Variants in INSYN2A observed in about 807,000 individuals in gnomAD.
INSYN2A encodes inhibitory synaptic factor 2A.
In INSYN2A, 17 loss-of-function variants were observed where a neutral mutation model predicts 39.4. The observed-to-expected ratio is 0.43, with a 90% CI of 0.30 to 0.65. The LOEUF is 0.65. Among genes scored for constraint, INSYN2A ranks in the 30% least tolerant of loss-of-function variants. INSYN2A has a pLI of 0.14. For synonymous variants in INSYN2A, 255 were observed against 265.7 expected, an observed-to-expected ratio of 0.96 and a Z score of 0.39; for missense variants, 595 against 631.2, an observed-to-expected ratio of 0.94 and a Z score of 0.61.
chr10:127,171,401 C>T (rs1044492128), intron 4 of INSYN2A, among the ~76,000 whole-genome samples: 4 of 152,172 alleles, frequency 2.6e-5, no homozygotes, highest in Non-Finnish European at 5.9e-5. Context: ...GGGCCATCAG[C>T]GGGATTCAAA....
chr10:127,144,302 C>T (rs2051576688), intron 5 of INSYN2A, among the ~76,000 whole-genome samples: 1 of 152,108 alleles, frequency 6.6e-6, no homozygotes, highest in Non-Finnish European at 1.5e-5. Flanking sequence ...AGTCCACCCT[C>T]CCCCCTGCCT....
At chr10:127,188,602 G>A (rs1447789226) in intron 2 of INSYN2A, among the ~76,000 whole-genome samples, 1 of 152,154 alleles carries the variant, frequency 6.6e-6, no homozygotes, top group East Asian at 1.9e-4. Context: ...GTTTGCTAAC[G>A]TGGTTAATTT....
intron 5 of INSYN2A, chr10:127,146,229 G>A (rs553992365): frequency 8.0e-6 from 2 of 249,998 alleles, no homozygotes; most frequent in Middle Eastern, 5.1e-4. Context: ...GGGACTATCA[G>A]TATAATTAGC....
intron 2 of INSYN2A, among the ~76,000 whole-genome samples, chr10:127,191,701 A>G (rs1347002355): frequency 6.6e-6 from 1 of 152,204 alleles, no homozygotes; most frequent in African/African-American, 2.4e-5. Flanking sequence ...GCTCAATTTC[A>G]TTAAGGTTGG....
At chr10:127,177,610 G>C (rs2055294310) in intron 2 of INSYN2A, among the ~76,000 whole-genome samples, 1 of 152,208 alleles carries the variant, frequency 6.6e-6, no homozygotes, top group Non-Finnish European at 1.5e-5. Flanking sequence ...ATGGGCCCGT[G>C]AGAGCTGCAC....
chr10:127,152,901 G>A (rs1394446321), intron 5 of INSYN2A, among the ~76,000 whole-genome samples: 1 of 152,170 alleles, frequency 6.6e-6, no homozygotes, highest in Non-Finnish European at 1.5e-5. Flanking sequence ...TGCTCTGTCT[G>A]GATCGGAGGC....
Position 127,175,866 on chromosome 10 carries a change from GA to G in INSYN2A, c.529del (p.Ser177ProfsTer5). The stretch of plus-strand genomic sequence containing the variant: ...GTCCACTGTGTTCATGTGTTGGTTG[GA>G]ATGGAAAACCAAGGCTGTGGTCTTG... The part of the protein sequence containing the change: ...VHKTTALVFH[S>X]NQHMNTVDQP... On this transcript the variant is annotated frameshift_variant, in exon 4 of 6. Transcript: ENST00000522781. LOFTEE classifies it high-confidence loss of function. This position sits in a 1 kb window ranked among gnomAD's most constrained non-coding sequence, Gnocchi z 6.3. 1 of 1,614,168 alleles carries G rather than the reference GA, an allele frequency of 6.2e-7. No homozygotes were observed.
At chr10:127,190,401 A>G (rs904412819) in intron 2 of INSYN2A, among the ~76,000 whole-genome samples, 6 of 152,156 alleles carry the variant, frequency 3.9e-5, no homozygotes, top group African/African-American at 1.4e-4. Context: ...TTCTTTCCCA[A>G]TCAGGATTCC....
rs1391954307 is a variant in INSYN2A at position 127,135,460 on chromosome 10, A to G, written c.*2377T>C. ...TTGATTTTTTTATTTAAAAATTAAT[A>G]AAGAACTTAACGACAAGTATAATAA... On this transcript the variant is annotated 3_prime_UTR_variant, in exon 6 of 6. Transcript: ENST00000522781. The G allele has an allele frequency of 6.5e-6, 1 of 152,676 alleles. No individual in the cohort carries two copies. Among genetic ancestry groups the G allele is most frequent in the African/African-American group, 2.4e-5 (1 of 41,468 alleles). The allele number at this position is 152,676 out of a possible 1,614,324, so 9.5% of individuals were successfully genotyped here.
At chr10:127,159,462 T>TTA (rs994210700) in intron 4 of INSYN2A, among the ~76,000 whole-genome samples, 1 of 152,202 alleles carries the variant, frequency 6.6e-6, no homozygotes, top group Admixed American at 6.5e-5. Flanking sequence ...ATATATATAC[T>TTA]TGTATACTTA....
intron 2 of INSYN2A, among the ~76,000 whole-genome samples, chr10:127,185,298 G>T (rs1457909231): frequency 6.6e-6 from 1 of 152,184 alleles, no homozygotes; most frequent in Non-Finnish European, 1.5e-5. Context: ...GGAGGCTGAG[G>T]TGGGTGGATC....
At chr10:127,168,987 G>T (rs934417622) in intron 4 of INSYN2A, among the ~76,000 whole-genome samples, 11 of 152,156 alleles carry the variant, frequency 7.2e-5, no homozygotes, top group African/African-American at 2.7e-4. Flanking sequence ...CTGATTCTGA[G>T]TGATTTGTCA....
chr10:127,178,839 T>C (rs1304075628), intron 2 of INSYN2A, among the ~76,000 whole-genome samples: 1 of 152,054 alleles, frequency 6.6e-6, no homozygotes, highest in Non-Finnish European at 1.5e-5. Context: ...ATCGATGGCT[T>C]TTAGAGATTC....
chr10:127,189,978 G>A lies in INSYN2A; in HGVS notation c.-269+2627C>T, dbSNP rs887936508. ...GACAGACATCTCCTTCTCTCATGCT[G>A]GCCCGATGAACTCTCCAGTTTTTTT... On this transcript the variant is annotated intron_variant, in intron 2 of 5. Coordinates refer to ENST00000522781, the MANE Select transcript of INSYN2A (RefSeq NM_001039762.3). Among the ~76,000 whole-genome samples, 5 of 152,284 alleles carry A rather than the reference G, an allele frequency of 3.3e-5. No homozygotes were observed. The East Asian group carries it at 7.7e-4, about 24-fold the overall frequency.
intron 2 of INSYN2A, among the ~76,000 whole-genome samples, chr10:127,188,910 G>C (rs1200266313): frequency 6.6e-6 from 1 of 152,222 alleles, no homozygotes; most frequent in Non-Finnish European, 1.5e-5. Context: ...AGGTCACACA[G>C]ATACTGGCAG....
chr10:127,184,990 TG>T (rs2056095468), intron 2 of INSYN2A, among the ~76,000 whole-genome samples: 2 of 152,176 alleles, frequency 1.3e-5, no homozygotes, highest in South Asian at 4.1e-4. Context: ...AGAGACACGT[TG>T]ATGCCTGACA....
intron 4 of INSYN2A, among the ~76,000 whole-genome samples, chr10:127,156,155 A>G (rs1000321769): frequency 2.6e-5 from 4 of 152,188 alleles, no homozygotes; most frequent in Admixed American, 2.6e-4. Context: ...AATGTCTATC[A>G]AGCCTCATCA....
chr10:127,163,722 C>T (rs866579614), intron 4 of INSYN2A, among the ~76,000 whole-genome samples: 4 of 151,912 alleles, frequency 2.6e-5, no homozygotes, highest in South Asian at 2.1e-4. Context: ...CTTCTGCTTC[C>T]GACACCCAGT....
intron 4 of INSYN2A, among the ~76,000 whole-genome samples, chr10:127,167,680 A>G (rs2054201340): frequency 6.6e-6 from 1 of 152,022 alleles, no homozygotes; most frequent in Non-Finnish European, 1.5e-5. Flanking sequence ...GGCCAGGGTG[A>G]ACTAAAACAA....
Sources: allele counts gnomAD v4.1 joint callset (sites outside exome capture counted in the v4.1 genomes callset), GRCh38; gene constraint gnomAD v4.1.1; non-coding constraint Gnocchi (gnomAD v3.1); transcripts MANE v1.5; gene names NCBI Gene and HGNC (gene_info 2026-07-23, HGNC 2026-07-21).